BTLA: variants seen among roughly 807,000 people sequenced by gnomAD.
The protein encoded by BTLA is B- and T-lymphocyte attenuator.
BTLA carries 11 observed loss-of-function variants against 25.0 expected under a neutral mutation model. That is an observed-to-expected ratio of 0.44 (90% CI 0.28 to 0.73). The LOEUF (loss-of-function observed/expected upper bound fraction) is 0.73, where lower values mean the gene tolerates loss of function less well. Ranked by LOEUF, BTLA falls within the 30% of genes least tolerant of loss-of-function variation. The pLI is 0.15. For synonymous variants in BTLA, 104 were observed against 119.8 expected, an observed-to-expected ratio of 0.87 and a Z score of 0.86; for missense variants, 282 against 332.8, an observed-to-expected ratio of 0.85 and a Z score of 1.19.
intron 2 of BTLA, among the ~76,000 whole-genome samples, chr3:112,474,837 A>T (rs1488730793): frequency 6.6e-6 from 1 of 152,216 alleles, no homozygotes; most frequent in African/African-American, 2.4e-5. Context: ...TAAGGCCGTC[A>T]GGCTGCAATT....
intron 4 of BTLA, among the ~76,000 whole-genome samples, chr3:112,467,838 T>C (rs1250239153): frequency 6.6e-6 from 1 of 152,230 alleles, no homozygotes; most frequent in Non-Finnish European, 1.5e-5. Flanking sequence ...TCAAGTGAAC[T>C]GAAAAATAGC....
intron 2 of BTLA, among the ~76,000 whole-genome samples, chr3:112,474,475 A>G (rs2082278773): frequency 4.6e-5 from 7 of 152,066 alleles, no homozygotes. Context: ...ATTCCTAAAC[A>G]ATTTACCTTT....
Position 112,491,357 on chromosome 3 carries a change from G to T in BTLA, c.88+7914C>A, listed in dbSNP as rs1028448790. On this transcript the variant is annotated intron_variant, in intron 1 of 4. Coordinates refer to ENST00000334529, the MANE Select transcript of BTLA (RefSeq NM_181780.4). ...CTTAACACGAGGAAAAAAAGAATAT[G>T]ACTAATATTTTCAAAGTTCTTATTA... Among the ~76,000 whole-genome samples the T allele has an allele frequency of 1.2e-3, 182 of 152,134 alleles. 3 individuals are homozygous for T. The highest frequency in any genetic ancestry group is 0.012 in the Admixed American group (182 of 15,268).
chr3:112,471,033 C>A (rs769701229), intron 3 of BTLA, among the ~76,000 whole-genome samples, 179 bp downstream of exon 3: 5 of 152,154 alleles, frequency 3.3e-5, no homozygotes, highest in Non-Finnish European at 7.3e-5. Context: ...CTCAAGGGAG[C>A]CCCAACCAAC....
rs1559823745 is a variant in BTLA at position 112,471,276 on chromosome 3, C to A, written c.483G>T (p.Leu161Phe). Residue 161 changes from leucine to phenylalanine, a missense_variant, in exon 3 of 5, where the codon TTG becomes TTT. By Grantham distance (22) the Leu-to-Phe change is conservative. Transcript: ENST00000334529. ...TAGTGATGAGTAGAGGCAATCCCCC[C>A]AAAGGAAGTAAACGATACAGGAGCC... ...RPWLLYRLLP[L>F]GGLPLLITTC... The A allele has an allele frequency of 2.1e-5, 34 of 1,614,104 alleles. No homozygotes were observed. Among genetic ancestry groups the A allele is most frequent in the Non-Finnish European group, 2.7e-5 (32 of 1,179,980 alleles).
chr3:112,477,445 T>C (rs1417499551), intron 2 of BTLA, among the ~76,000 whole-genome samples: 1 of 152,056 alleles, frequency 6.6e-6, no homozygotes, highest in Non-Finnish European at 1.5e-5. Context: ...ACTAATGACA[T>C]TGAGCATTTT....
Position 112,464,513 on chromosome 3 carries a change from T to G in BTLA, c.*1595A>C, listed in dbSNP as rs56224196. ...CGAATTGGTTGCTTGAAATTCTAGG[T>G]GTAATTGGCAAAATAACAGTGACTC... On this transcript the variant is annotated 3_prime_UTR_variant, in exon 5 of 5. Coordinates refer to ENST00000334529, the MANE Select transcript of BTLA (RefSeq NM_181780.4). The G allele has an allele frequency of 0.074, 15,410 of 208,660 alleles. 773 individuals are homozygous for G. The highest frequency in any genetic ancestry group is 0.14 in the African/African-American group (6,314 of 43,996). The allele number at this position is 208,660 out of a possible 1,614,324, so 12.9% of individuals were successfully genotyped here.
At chr3:112,493,936 C>A (rs982469070) in intron 1 of BTLA, among the ~76,000 whole-genome samples, 7 of 152,134 alleles carry the variant, frequency 4.6e-5, no homozygotes, top group African/African-American at 1.2e-4. Context: ...CACGGTGAAA[C>A]CTTCTGTACT....
intron 1 of BTLA, among the ~76,000 whole-genome samples, chr3:112,488,668 C>G (rs2082362941): frequency 6.6e-6 from 1 of 152,216 alleles, no homozygotes; most frequent in Non-Finnish European, 1.5e-5. Context: ...GGCTGGAGTG[C>G]AGTGGCGCGA....
At position 112,485,365 on chromosome 3, in the gene BTLA, T is replaced by G. The variant is rs1327957090; in HGVS notation, c.89-5596A>C. Among the ~76,000 whole-genome samples, 3 of 152,158 alleles carry G rather than the reference T, an allele frequency of 2.0e-5. No individual in the cohort carries two copies. The East Asian group carries it at 5.8e-4, about 29-fold the overall frequency. On this transcript the variant is annotated intron_variant, in intron 1 of 4. Coordinates refer to ENST00000334529, the MANE Select transcript of BTLA (RefSeq NM_181780.4). ...GGCCGACAAATAGCACAATTCTAAT[T>G]GTCCATCTGACAAGCTTGTTAACAC...
At position 112,465,862 on chromosome 3, in the gene BTLA, C is replaced by G. The variant is rs1415230827; in HGVS notation, c.*246G>C. The G allele has an allele frequency of 2.7e-6, 1 of 369,446 alleles. No homozygotes were observed. Among genetic ancestry groups the G allele is most frequent in the Non-Finnish European group, 4.8e-6 (1 of 206,902 alleles). 22.9% of individuals were successfully genotyped at this position (369,446 alleles called of 1,614,324 possible). On this transcript the variant is annotated 3_prime_UTR_variant, in exon 5 of 5. Transcript: ENST00000334529. ...TTAAACGTTCTACTATTCTGCTACTCATGATGTCAACCAGTTTTGGAGAGA... is the reference window on the plus strand; with the variant it reads ...TTAAACGTTCTACTATTCTGCTACTGATGATGTCAACCAGTTTTGGAGAGA...
intron 1 of BTLA, among the ~76,000 whole-genome samples, chr3:112,492,319 C>A (rs2082384640): frequency 6.6e-6 from 1 of 152,228 alleles, no homozygotes; most frequent in Non-Finnish European, 1.5e-5. Context: ...TTGCCTGTTA[C>A]ACATAGGCCC....
At chr3:112,498,923 T>G (rs1300055211) in intron 1 of BTLA, among the ~76,000 whole-genome samples, 2 of 152,202 alleles carry the variant, frequency 1.3e-5, no homozygotes, top group Non-Finnish European at 2.9e-5. Context: ...GAACGAGCTA[T>G]CTATTCATTA....
chr3:112,499,229 C>A (rs573903901), intron 1 of BTLA, 42 bp downstream of exon 1: 1 of 1,402,296 alleles, frequency 7.1e-7, no homozygotes, highest in Non-Finnish European at 1.0e-6. Context: ...TCCAAGACCC[C>A]CTGAGAAATA....
chr3:112,477,299 C>T (rs1443965920), intron 2 of BTLA, among the ~76,000 whole-genome samples: 3 of 151,830 alleles, frequency 2.0e-5, no homozygotes, highest in East Asian at 3.9e-4. Flanking sequence ...ACATTCTCCT[C>T]AGCAATGGAT....
rs941740652 is a variant in BTLA at position 112,487,572 on chromosome 3, C to T, written c.89-7803G>A. 9.4e-5 allele frequency among the ~76,000 whole-genome samples: 14 copies of T among 148,218 alleles called. 2 individuals carry two copies. The South Asian group carries it at 2.6e-3, about 27-fold the overall frequency. On this transcript the variant is annotated intron_variant, in intron 1 of 4. Coordinates refer to ENST00000334529, the MANE Select transcript of BTLA (RefSeq NM_181780.4). Reference sequence around the variant, plus strand: ...TGCACTCCAGCCTGGGCAACAAGAGCGAAAATCTGTGTCAAAAAAAAAAAA... The same window carrying T: ...TGCACTCCAGCCTGGGCAACAAGAGTGAAAATCTGTGTCAAAAAAAAAAAA...
At chr3:112,496,779 G>A (rs1249017169) in intron 1 of BTLA, among the ~76,000 whole-genome samples, 2 of 150,514 alleles carry the variant, frequency 1.3e-5, no homozygotes, top group Non-Finnish European at 3.0e-5. Flanking sequence ...TTTTTTTTGA[G>A]TGCAGTGGTG....
intron 1 of BTLA, among the ~76,000 whole-genome samples, chr3:112,495,445 T>G (rs2082404404): frequency 6.6e-6 from 1 of 152,166 alleles, no homozygotes. Flanking sequence ...GACGTCAACT[T>G]TACAATAGAG....
At chr3:112,474,546 A>G (rs2082279224) in intron 2 of BTLA, among the ~76,000 whole-genome samples, 1 of 152,202 alleles carries the variant, frequency 6.6e-6, no homozygotes, top group Admixed American at 6.5e-5. Flanking sequence ...GCCTTCCAGG[A>G]CATTATAATC....
Sources: gnomAD v4.1 joint callset for allele counts (sites outside exome capture counted in the v4.1 genomes callset) on GRCh38, gnomAD v4.1.1 for gene constraint, MANE v1.5 for transcripts, NCBI Gene and HGNC (gene_info 2026-07-23, HGNC 2026-07-21) for gene names.